Variants in GLYATL2 observed in about 807,000 individuals in gnomAD.
GLYATL2 encodes glycine N-acyltransferase-like protein 2.
In GLYATL2, 25 loss-of-function variants were observed where a neutral mutation model predicts 21.4. The observed-to-expected ratio is 1.17, with a 90% CI of 0.85 to 1.63. The LOEUF (loss-of-function observed/expected upper bound fraction) is 1.63, where lower values mean the gene tolerates loss of function less well. Ranked by LOEUF, GLYATL2 falls within the 40% of genes most tolerant of loss-of-function variation. GLYATL2 has a pLI of 0.00. For missense variants in GLYATL2, 361 were observed against 343.3 expected (o/e 1.05, Z -0.41); for synonymous variants, 114 against 118.2 (o/e 0.96, Z 0.23).
chr11:58,881,232 T>A (rs1854328515), intron 1 of GLYATL2, among the ~76,000 whole-genome samples: 1 of 152,194 alleles, frequency 6.6e-6, no homozygotes, highest in Admixed American at 6.5e-5. Context: ...TAATTTCCAG[T>A]TCCAAAGTGG....
chr11:58,846,506 A>G (rs1943284), upstream of GLYATL2, among the ~76,000 whole-genome samples: 120,389 of 151,554 alleles, frequency 0.79, 49,077 homozygotes, highest in East Asian at 0.94. Flanking sequence ...GGTGCACAGT[A>G]TATCTCTGGG....
chr11:58,887,654 G>A (rs557825829), intron 1 of GLYATL2, among the ~76,000 whole-genome samples: 2 of 152,138 alleles, frequency 1.3e-5, no homozygotes, highest in Admixed American at 1.3e-4. Context: ...CATCCCTTCG[G>A]GTGAATCAAT....
At chr11:58,862,050 A>T (rs1853940855) in intron 1 of GLYATL2, among the ~76,000 whole-genome samples, 1 of 10,624 alleles carries the variant, frequency 9.4e-5, no homozygotes, top group African/African-American at 1.0e-4. Flanking sequence ...TGCAAAAACA[A>T]ACAAACAAAC....
At chr11:58,885,904 A>C (rs987537718) in intron 1 of GLYATL2, among the ~76,000 whole-genome samples, 23 of 152,184 alleles carry the variant, frequency 1.5e-4, no homozygotes, top group Non-Finnish European at 3.1e-4. Flanking sequence ...AAACCAAGGC[A>C]GATGTCTACC....
intron 1 of GLYATL2, among the ~76,000 whole-genome samples, chr11:58,871,602 A>T: frequency 6.6e-6 from 1 of 152,084 alleles, no homozygotes; most frequent in East Asian, 1.9e-4. Context: ...GTCCCTAAAA[A>T]CGACATGAAC....
intron 1 of GLYATL2, among the ~76,000 whole-genome samples, chr11:58,843,126 A>G (rs1348627190): frequency 6.6e-6 from 1 of 152,200 alleles, no homozygotes; most frequent in East Asian, 1.9e-4. Context: ...CCTATTGACA[A>G]TGTTAAGTGA....
chr11:58,858,668 G>GAA (rs1247090317), intron 1 of GLYATL2, among the ~76,000 whole-genome samples: 1 of 152,044 alleles, frequency 6.6e-6, no homozygotes, highest in Non-Finnish European at 1.5e-5. Context: ...ATTTAAAAAG[G>GAA]AAAAAAAGTT....
intron 1 of GLYATL2, among the ~76,000 whole-genome samples, chr11:58,856,641 G>T (rs1031742785): frequency 2.6e-5 from 4 of 152,102 alleles, no homozygotes; most frequent in Non-Finnish European, 4.4e-5. Flanking sequence ...TCAGGGAATA[G>T]TGAGGCTAGA....
intron 1 of GLYATL2, among the ~76,000 whole-genome samples, chr11:58,855,911 G>A (rs951681286): frequency 6.6e-6 from 1 of 152,100 alleles, no homozygotes; most frequent in Non-Finnish European, 1.5e-5. Context: ...ATCACCTGAG[G>A]TCAGGAGTTT....
At chr11:58,842,249 C>T (rs1326882262) in intron 1 of GLYATL2, among the ~76,000 whole-genome samples, 1 of 152,040 alleles carries the variant, frequency 6.6e-6, no homozygotes, top group East Asian at 1.9e-4. Context: ...ATACTTCTTT[C>T]AGTGAAAAGT....
the GLYATL2 span, among the ~76,000 whole-genome samples, chr11:58,909,429 A>T: frequency 6.6e-6 from 1 of 152,142 alleles, no homozygotes; most frequent in Non-Finnish European, 1.5e-5. Flanking sequence ...AATGGATGAG[A>T]CTTTTGGAGG....
At chr11:58,871,508 C>T (rs2134602996) in intron 1 of GLYATL2, among the ~76,000 whole-genome samples, 1 of 149,040 alleles carries the variant, frequency 6.7e-6, no homozygotes, top group East Asian at 2.0e-4. Context: ...TGTTCAATTC[C>T]CACCTATGAG....
At chr11:58,858,462 C>CT (rs909607835) in intron 1 of GLYATL2, among the ~76,000 whole-genome samples, 4 of 26,770 alleles carry the variant, frequency 1.5e-4, no homozygotes, top group African/African-American at 2.2e-4. Flanking sequence ...AAGAATTGGG[C>CT]TTTTTTAAAA....
At chr11:58,870,869 T>C (rs1375629108) in intron 1 of GLYATL2, among the ~76,000 whole-genome samples, 1 of 152,168 alleles carries the variant, frequency 6.6e-6, no homozygotes, top group African/African-American at 2.4e-5. Flanking sequence ...GAGAAGATAC[T>C]CAGGAGCAAA....
intron 1 of GLYATL2, among the ~76,000 whole-genome samples, chr11:58,851,755 T>A (rs1021747951): frequency 6.6e-6 from 1 of 152,170 alleles, no homozygotes; most frequent in African/African-American, 2.4e-5. Context: ...AAAAGATTCA[T>A]AAGTAATGTT....
intron 1 of GLYATL2, among the ~76,000 whole-genome samples, chr11:58,888,772 T>C (rs1344648749): frequency 6.6e-6 from 1 of 151,948 alleles, no homozygotes; most frequent in Admixed American, 6.6e-5. Context: ...ATGCAATGTA[T>C]GCAATTGCAT....
chr11:58,863,269 G>A (rs1853964048), intron 1 of GLYATL2, among the ~76,000 whole-genome samples: 1 of 152,208 alleles, frequency 6.6e-6, no homozygotes, highest in East Asian at 1.9e-4. Flanking sequence ...GTCTGCAGGT[G>A]CTAGCTAGGT....
At chr11:58,881,359 T>A (rs1322700128) in intron 1 of GLYATL2, among the ~76,000 whole-genome samples, 2 of 152,228 alleles carry the variant, frequency 1.3e-5, no homozygotes, top group Non-Finnish European at 2.9e-5. Flanking sequence ...GATAACCTTC[T>A]CCAAGTTATT....
At chr11:58,885,581 C>T in intron 1 of GLYATL2, 2 of 380,992 alleles carry the variant, frequency 5.2e-6, no homozygotes, top group South Asian at 2.1e-5. Flanking sequence ...CAGGCAGGCC[C>T]AAAGGGCCTG....
Sources: gnomAD v4.1 joint callset for allele counts (sites outside exome capture counted in the v4.1 genomes callset) on GRCh38, gnomAD v4.1.1 for gene constraint, MANE v1.5 for transcripts, NCBI Gene and HGNC (gene_info 2026-07-23, HGNC 2026-07-21) for gene names.